The following EVC variants were observed in gnomAD, a reference collection of about 807,000 sequenced individuals.
EVC encodes EvC ciliary complex subunit 1, also known as evC complex member EVC.
EVC carries 116 observed loss-of-function variants against 118.9 expected under a neutral mutation model. The ratio of observed to expected loss-of-function variants is 0.98; its 90% CI spans 0.84 to 1.14. EVC has a LOEUF of 1.14. Among genes scored for constraint, EVC ranks in the 50% most tolerant of loss-of-function variants. The probability of loss-of-function intolerance (pLI) is 0.00; values close to 1 mark genes in which losing one functional copy is unlikely to be tolerated. For missense variants in EVC, 1,401 were observed against 1,246.4 expected (o/e 1.12, Z -1.87); for synonymous variants, 619 against 534.7 (o/e 1.16, Z -2.18).
chr4:5,736,520 T>G (rs2151964534), intron 5 of EVC, among the ~76,000 whole-genome samples: 1 of 152,030 alleles, frequency 6.6e-6, no homozygotes, highest in Non-Finnish European at 1.5e-5. Flanking sequence ...TTTTTTTTTT[T>G]TTTTTACAAA....
At chr4:5,823,022 C>T in the EVC span, among the ~76,000 whole-genome samples, 33 of 152,100 alleles carry the variant, frequency 2.2e-4, 1 homozygote, top group Admixed American at 1.1e-3. Flanking sequence ...CTTTCTTTAC[C>T]GACAACTGTC....
chr4:5,817,777 G>T (rs1577693900), downstream of EVC, among the ~76,000 whole-genome samples: 1 of 152,270 alleles, frequency 6.6e-6, no homozygotes, highest in South Asian at 2.1e-4. Flanking sequence ...TTTGGCCCCA[G>T]GATAAGGGTA....
At chr4:5,769,623 G>A (rs1251147547) in intron 11 of EVC, among the ~76,000 whole-genome samples, 1 of 152,088 alleles carries the variant, frequency 6.6e-6, no homozygotes, top group African/African-American at 2.4e-5. Flanking sequence ...GGCTCTGGGT[G>A]GAGTTTGCTG....
chr4:5,724,422 C>T (rs566255896), intron 2 of EVC, among the ~76,000 whole-genome samples: 61 of 152,338 alleles, frequency 4.0e-4, no homozygotes, highest in African/African-American at 1.4e-3. Flanking sequence ...ACCTTCTCCA[C>T]GAACCCCCAC....
At chr4:5,803,312 C>T (rs1715333676) in intron 16 of EVC, among the ~76,000 whole-genome samples, 1 of 152,206 alleles carries the variant, frequency 6.6e-6, no homozygotes, top group Admixed American at 6.5e-5. Flanking sequence ...CTCAGCTGAG[C>T]CCAGAGGCCA....
At chr4:5,795,094 C>T (rs1713696315) in intron 13 of EVC, among the ~76,000 whole-genome samples, 1 of 152,148 alleles carries the variant, frequency 6.6e-6, no homozygotes, top group African/African-American at 2.4e-5. Flanking sequence ...CATAGTATTC[C>T]ATGGTGTATA....
At chr4:5,797,324 C>G (rs1030589669) in intron 14 of EVC, 92 bp downstream of exon 14, 4 of 1,096,070 alleles carry the variant, frequency 3.6e-6, no homozygotes, top group East Asian at 5.1e-5. Flanking sequence ...AACCCGAATC[C>G]TATCACCCTT....
chr4:5,757,597 G>A (rs1291682219), intron 11 of EVC, among the ~76,000 whole-genome samples: 2 of 152,240 alleles, frequency 1.3e-5, no homozygotes, highest in Admixed American at 1.3e-4. Context: ...GCAGACAGCT[G>A]CCTTCCCGTT....
chr4:5,810,215 C>G (rs752418521), intron 19 of EVC, 124 bp from the exon 20 acceptor site: 2 of 765,452 alleles, frequency 2.6e-6, no homozygotes, highest in Admixed American at 2.0e-5. Context: ...GCATAAGATA[C>G]CAAGCATACA....
At chr4:5,739,252 C>T (rs73795035) in intron 5 of EVC, among the ~76,000 whole-genome samples, 1,670 of 152,240 alleles carry the variant, frequency 0.011, 26 homozygotes, top group African/African-American at 0.037. Flanking sequence ...TAACATCTTG[C>T]AAAAATAATG....
intron 11 of EVC, among the ~76,000 whole-genome samples, chr4:5,761,946 C>T (rs1732101534): frequency 6.6e-6 from 1 of 151,268 alleles, no homozygotes; most frequent in Non-Finnish European, 1.5e-5. Context: ...TACATGTGCA[C>T]AATGTGCAGG....
chr4:5,806,877 C>G (rs1716001847), intron 17 of EVC, among the ~76,000 whole-genome samples: 1 of 152,240 alleles, frequency 6.6e-6, no homozygotes, highest in Non-Finnish European at 1.5e-5. Flanking sequence ...GATAGCCATT[C>G]TAACTGGGGT....
At chr4:5,766,559 G>A (rs1181075720) in intron 11 of EVC, among the ~76,000 whole-genome samples, 2 of 120,664 alleles carry the variant, frequency 1.7e-5, no homozygotes, top group African/African-American at 3.3e-5. Context: ...CGTAGATTTG[G>A]TCTTTTCACA....
At chr4:5,820,067 A>G in the EVC span, among the ~76,000 whole-genome samples, 1 of 152,114 alleles carries the variant, frequency 6.6e-6, no homozygotes, top group Non-Finnish European at 1.5e-5. Flanking sequence ...CCTGGATTCA[A>G]ATCCTGGTTC....
At chr4:5,774,518 C>G (rs569376098) in intron 11 of EVC, among the ~76,000 whole-genome samples, 1 of 152,114 alleles carries the variant, frequency 6.6e-6, no homozygotes, top group African/African-American at 2.4e-5. Flanking sequence ...AAGACTGAGC[C>G]TTGAGTAGGT....
chr4:5,734,727 C>T (rs1727396587), intron 5 of EVC, among the ~76,000 whole-genome samples: 1 of 152,204 alleles, frequency 6.6e-6, no homozygotes, highest in East Asian at 1.9e-4. Flanking sequence ...GTGAGCAGGA[C>T]TGACTGGCCT....
At chr4:5,751,519 C>T (rs1266480676) in intron 8 of EVC, among the ~76,000 whole-genome samples, 2 of 152,206 alleles carry the variant, frequency 1.3e-5, no homozygotes, top group Non-Finnish European at 2.9e-5. Context: ...GAATGAGCCT[C>T]GCCGTCCTTG....
At chr4:5,768,611 C>G (rs1733409627) in intron 11 of EVC, among the ~76,000 whole-genome samples, 1 of 152,202 alleles carries the variant, frequency 6.6e-6, no homozygotes, top group African/African-American at 2.4e-5. Context: ...GATCCCAGCA[C>G]TTTGGGAGGC....
chr4:5,776,021 G>A (rs1479623581), intron 11 of EVC, among the ~76,000 whole-genome samples: 1 of 151,804 alleles, frequency 6.6e-6, no homozygotes, highest in African/African-American at 2.4e-5. Flanking sequence ...TAATATAGCT[G>A]TTGTTTTTTT....
Sources: allele counts gnomAD v4.1 joint callset (sites outside exome capture counted in the v4.1 genomes callset), GRCh38; gene constraint gnomAD v4.1.1; transcripts MANE v1.5; gene names NCBI Gene and HGNC (gene_info 2026-07-23, HGNC 2026-07-21).